NOL10: variants seen among roughly 807,000 people sequenced by gnomAD.
The protein encoded by NOL10 is nucleolar protein 10.
Under a neutral mutation model 103.5 loss-of-function variants are expected in NOL10, and 58 were observed. The observed-to-expected ratio is 0.56, with a 90% CI of 0.45 to 0.70. The LOEUF is 0.70. Among genes scored for constraint, NOL10 ranks in the 30% least tolerant of loss-of-function variants. NOL10 has a pLI of 0.00. For missense variants in NOL10, 763 were observed against 807.3 expected (o/e 0.95, Z 0.67); for synonymous variants, 287 against 282.5 (o/e 1.02, Z -0.16).
intron 14 of NOL10, among the ~76,000 whole-genome samples, chr2:10,605,095 G>T (rs1351142509): frequency 1.3e-5 from 2 of 152,204 alleles, no homozygotes; most frequent in Admixed American, 1.3e-4. Flanking sequence ...TTTTACATAT[G>T]AGGAAACCAA....
chr2:10,609,630 G>C (rs1676450724), intron 13 of NOL10, among the ~76,000 whole-genome samples: 1 of 151,954 alleles, frequency 6.6e-6, no homozygotes, highest in Non-Finnish European at 1.5e-5. Context: ...ATGTCGGAAG[G>C]AGCACATGAG....
intron 19 of NOL10, among the ~76,000 whole-genome samples, chr2:10,578,098 T>C (rs527968096): frequency 3.3e-5 from 5 of 152,332 alleles, no homozygotes; most frequent in African/African-American, 4.8e-5. Flanking sequence ...TAATGGTCAA[T>C]GGCATTTATG....
chr2:10,667,329 G>C (rs2148334423), intron 7 of NOL10, 51 bp from the exon 8 acceptor site: 1 of 1,254,764 alleles, frequency 8.0e-7, no homozygotes, highest in East Asian at 2.5e-5. Flanking sequence ...ACCTACTTTA[G>C]TGGGGAAGGA....
intron 13 of NOL10, among the ~76,000 whole-genome samples, chr2:10,633,046 T>C (rs1214426919): frequency 2.0e-5 from 3 of 152,250 alleles, no homozygotes; most frequent in South Asian, 2.1e-4. Flanking sequence ...AGTTATCTTT[T>C]AGCAGTTTTG....
chr2:10,676,638 CTT>C (rs1281732474), intron 3 of NOL10, among the ~76,000 whole-genome samples: 20 of 135,254 alleles, frequency 1.5e-4, no homozygotes, highest in East Asian at 2.2e-4. Flanking sequence ...GGCACTTTGT[CTT>C]TTTTTTTTTT....
At chr2:10,675,963 G>C in intron 3 of NOL10, 92 bp from the exon 4 acceptor site, 1 of 602,270 alleles carries the variant, frequency 1.7e-6, no homozygotes, top group Non-Finnish European at 2.8e-6. Flanking sequence ...TTCAGAGACA[G>C]GCAGGATTAA....
intron 19 of NOL10, among the ~76,000 whole-genome samples, chr2:10,580,431 T>C (rs890010642): frequency 6.9e-6 from 1 of 144,640 alleles, no homozygotes; most frequent in Non-Finnish European, 1.5e-5. Flanking sequence ...CTGACAGCCA[T>C]GGGGGACTTT....
intron 13 of NOL10, among the ~76,000 whole-genome samples, chr2:10,608,567 A>T (rs371227198): frequency 1.3e-5 from 2 of 152,310 alleles, no homozygotes; most frequent in African/African-American, 4.8e-5. Context: ...TCCAGTGACG[A>T]CTTAACCTGT....
intron 20 of NOL10, among the ~76,000 whole-genome samples, chr2:10,576,091 G>A (rs771141107): frequency 1.3e-5 from 2 of 152,204 alleles, no homozygotes; most frequent in Non-Finnish European, 2.9e-5. Context: ...GTTCTCCAGA[G>A]ATGACACACA....
intron 14 of NOL10, 68 bp from the exon 15 acceptor site, chr2:10,603,225 T>C: frequency 8.6e-7 from 1 of 1,164,214 alleles, no homozygotes; most frequent in South Asian, 1.4e-5. Context: ...CAGTTTTTCT[T>C]GGGCAACAAT....
chr2:10,580,663 A>G (rs1674700146), intron 19 of NOL10, among the ~76,000 whole-genome samples: 1 of 150,106 alleles, frequency 6.7e-6, no homozygotes, highest in African/African-American at 2.5e-5. Flanking sequence ...AGAAACTACT[A>G]GGAAGAAAAT....
Position 10,602,757 on chromosome 2 carries a change from T to C in NOL10, c.1332+19A>G. The C allele has an allele frequency of 7.2e-7, 1 of 1,382,844 alleles. No individual in the cohort carries two copies. Among genetic ancestry groups the C allele is most frequent in the Non-Finnish European group, 1.0e-6 (1 of 990,754 alleles). 85.7% of individuals were successfully genotyped at this position (1,382,844 alleles called of 1,614,324 possible). A position where few individuals can be genotyped will look rare whatever the true frequency, so the allele number is the denominator to read the frequency against. ...AAGTACTCTTCTCTGATAAATTCAATGGTAAGTATAATATTTACCTTTAAC... is the reference window on the plus strand; with the variant it reads ...AAGTACTCTTCTCTGATAAATTCAACGGTAAGTATAATATTTACCTTTAAC... On this transcript the variant is annotated intron_variant, in intron 16 of 20. Transcript: ENST00000381685.
chr2:10,663,873 C>T (rs190086753), intron 8 of NOL10, among the ~76,000 whole-genome samples: 34 of 151,506 alleles, frequency 2.2e-4, no homozygotes, highest in African/African-American at 8.2e-4. Context: ...TGGCATGAAC[C>T]CGGGAGGCTG....
rs765207166 is a variant in NOL10, at chr2:10,663,044, C to T, written c.592G>A (p.Gly198Ser). 2 of 1,613,130 alleles carry T rather than the reference C, an allele frequency of 1.2e-6. No homozygotes were observed. The highest frequency in any genetic ancestry group is 1.7e-5 in the Admixed American group (1 of 59,990). Reference sequence around the variant, plus strand: ...CTTGGGTCCCAGCACTCCACTCTACCCTATGCAAATGAAAAACAATTTTAA... The same window carrying T: ...CTTGGGTCCCAGCACTCCACTCTACTCTATGCAAATGAAAAACAATTTTAA... ...HGLFATGTIE[G>S]RVECWDPRTR... The change falls in exon 9 of 21, where the codon GGT becomes AGT. Residue 198 changes from glycine (G) to serine (S), a missense_variant and splice_region_variant. By Grantham distance (56) the Gly-to-Ser change is moderately conservative. Transcript: ENST00000381685.
At chr2:10,638,647 AC>A (rs1361263975) in intron 13 of NOL10, among the ~76,000 whole-genome samples, 164 of 149,018 alleles carry the variant, frequency 1.1e-3, no homozygotes, top group African/African-American at 4.0e-3. Context: ...GCCCACAATG[AC>A]CCCCGGCTGA....
At chr2:10,606,490 C>A (rs969541640) in intron 14 of NOL10, among the ~76,000 whole-genome samples, 4 of 151,758 alleles carry the variant, frequency 2.6e-5, no homozygotes, top group Middle Eastern at 3.4e-3. Context: ...CATCTGTAAT[C>A]CCAGCTACTC....
At chr2:10,628,409 T>C (rs888436043) in intron 13 of NOL10, among the ~76,000 whole-genome samples, 6 of 152,198 alleles carry the variant, frequency 3.9e-5, no homozygotes, top group African/African-American at 1.4e-4. Context: ...TACAGTTGAC[T>C]GAAACCAACA....
At chr2:10,636,461 A>T (rs1204113176) in intron 13 of NOL10, among the ~76,000 whole-genome samples, 3 of 147,416 alleles carry the variant, frequency 2.0e-5, no homozygotes, top group Non-Finnish European at 4.5e-5. Flanking sequence ...AAACAAAATT[A>T]GCTGGGTGTG....
At chr2:10,590,139 G>A (rs1051599561) in intron 17 of NOL10, among the ~76,000 whole-genome samples, 1 of 151,912 alleles carries the variant, frequency 6.6e-6, no homozygotes, top group Non-Finnish European at 1.5e-5. Flanking sequence ...TTAGAGATAC[G>A]GTCTCACTCC....
Sources: gnomAD v4.1 joint callset for allele counts (sites outside exome capture counted in the v4.1 genomes callset) on GRCh38, gnomAD v4.1.1 for gene constraint, MANE v1.5 for transcripts, NCBI Gene and HGNC (gene_info 2026-07-23, HGNC 2026-07-21) for gene names.